The following HIF1A variants were observed in gnomAD, a reference collection of about 807,000 sequenced individuals.
The protein encoded by HIF1A is hypoxia-inducible factor 1-alpha.
Under a neutral mutation model 92.7 loss-of-function variants are expected in HIF1A, and 24 were observed. The observed-to-expected ratio is 0.26, with a 90% CI of 0.19 to 0.36. HIF1A has a LOEUF of 0.36. Ranked by LOEUF, HIF1A falls within the 10% of genes least tolerant of loss-of-function variation. The probability of loss-of-function intolerance (pLI) is 1.00; values close to 1 mark genes in which losing one functional copy is unlikely to be tolerated. For missense variants in HIF1A, 799 were observed against 998.5 expected (o/e 0.80, Z 2.69); for synonymous variants, 319 against 338.7 (o/e 0.94, Z 0.64).
In HIF1A at chr14:61,708,529, C is replaced by T. The variant is rs562032038; in HGVS notation, c.36-11853C>T. 2.0e-5 allele frequency among the ~76,000 whole-genome samples: 3 copies of T among 152,292 alleles called. No homozygotes were observed. In the South Asian group the frequency reaches 6.2e-4, roughly 32 times the overall value. ...TTTCAGCTTTCTGCATATGGCTAGC[C>T]AGTTTTCCCAGCACCATTTATTAAA... is the stretch of plus-strand genomic sequence containing the variant. On this transcript the variant is annotated intron_variant, in intron 1 of 14. Coordinates refer to ENST00000337138, the MANE Select transcript of HIF1A (RefSeq NM_001530.4).
chr14:61,714,926 C>T (rs113634781), intron 1 of HIF1A, among the ~76,000 whole-genome samples: 2 of 152,070 alleles, frequency 1.3e-5, no homozygotes, highest in South Asian at 2.1e-4. Flanking sequence ...CCCAGCTACT[C>T]GGGAGGCTGA....
intron 1 of HIF1A, among the ~76,000 whole-genome samples, 184 bp downstream of exon 1, chr14:61,696,023 C>T (rs745820946): frequency 1.2e-4 from 19 of 152,230 alleles, no homozygotes; most frequent in Non-Finnish European, 2.5e-4. Flanking sequence ...CTGTCCACGT[C>T]GCCATCTTGT....
At chr14:61,733,674 TATTTA>T (rs949068469) in intron 7 of HIF1A, among the ~76,000 whole-genome samples, 1 of 152,222 alleles carries the variant, frequency 6.6e-6, no homozygotes, top group African/African-American at 2.4e-5. Flanking sequence ...CCCAAATCAG[TATTTA>T]ATTTAAATTG....
chr14:61,736,751 G>A, intron 8 of HIF1A, 138 bp from the exon 9 acceptor site: 1 of 627,854 alleles, frequency 1.6e-6, no homozygotes, highest in Non-Finnish European at 2.8e-6. Flanking sequence ...GTACGCATGA[G>A]TGATCATGCA....
Position 61,721,514 on chromosome 14 carries a change from T to C in HIF1A, c.232T>C (p.Leu78=). The C allele has an allele frequency of 6.2e-7, 1 of 1,612,280 alleles. No individual in the cohort carries two copies. The highest frequency in any genetic ancestry group is 8.5e-7 in the Non-Finnish European group (1 of 1,178,794). The change falls in exon 3 of 15, where the codon TTG becomes CTG. Residue 78 remains leucine (L), a synonymous_variant. Coordinates refer to ENST00000337138, the MANE Select transcript of HIF1A (RefSeq NM_001530.4). The part of the protein sequence containing the change: ...RVRKLLDAGD[L]DIEDDMKAQM... ...TCTTCTTGTGCCCTTTTTAGGTGATTTGGATATTGAAGATGACATGAAAGC... is the reference window on the plus strand; with the variant it reads ...TCTTCTTGTGCCCTTTTTAGGTGATCTGGATATTGAAGATGACATGAAAGC...
In HIF1A at chr14:61,740,735, A is replaced by G; in HGVS notation, c.1660-20A>G. ...TAAGGTGTGGCCATTGTAAAAACTC[A>G]TGTATTTGCTGTTTTAAAGGACACA... is the stretch of plus-strand genomic sequence containing the variant. On this transcript the variant is annotated intron_variant, in intron 11 of 14. Coordinates refer to ENST00000337138, the MANE Select transcript of HIF1A (RefSeq NM_001530.4). 1 of 1,587,734 alleles carries G rather than the reference A, an allele frequency of 6.3e-7. No homozygotes were observed. Among genetic ancestry groups the G allele is most frequent in the South Asian group, 1.1e-5 (1 of 87,542 alleles).
intron 8 of HIF1A, among the ~76,000 whole-genome samples, chr14:61,735,066 C>T (rs993198136): frequency 3.3e-5 from 5 of 152,182 alleles, no homozygotes; most frequent in Admixed American, 3.3e-4. Flanking sequence ...TAGACTCCTG[C>T]CCCATCTAGT....
At chr14:61,718,508 G>C (rs991828090) in intron 1 of HIF1A, among the ~76,000 whole-genome samples, 9 of 152,142 alleles carry the variant, frequency 5.9e-5, no homozygotes, top group African/African-American at 2.2e-4. Context: ...TGGAACTCCA[G>C]TGTATGCTGG....
chr14:61,730,169 T>C (rs1182778517), intron 6 of HIF1A, among the ~76,000 whole-genome samples: 1 of 152,138 alleles, frequency 6.6e-6, no homozygotes, highest in Non-Finnish European at 1.5e-5. Flanking sequence ...GATCATGGGT[T>C]TCCTAGTCCA....
In HIF1A at chr14:61,734,185, A is replaced by C. The variant is rs2044608984; in HGVS notation, c.928A>C (p.Lys310Gln). 6.2e-7 allele frequency: 1 copy of C among 1,613,016 alleles called. No individual in the cohort carries two copies. Among genetic ancestry groups the C allele is most frequent in the African/African-American group, 1.3e-5 (1 of 74,912 alleles). ...CACAGGACAGTACAGGATGCTTGCCAAAAGAGGTGGATATGTCTGGGTTGA... is the reference window on the plus strand; with the variant it reads ...CACAGGACAGTACAGGATGCTTGCCCAAAGAGGTGGATATGTCTGGGTTGA... ...VTTGQYRMLA[K>Q]RGGYVWVETQ... is the part of the protein sequence containing the mutation. Residue 310 changes from lysine to glutamine, a missense_variant, in exon 8 of 15, where the codon AAA becomes CAA. Physicochemically the swap from Lys to Gln is moderately conservative, Grantham distance 53. This residue lies in a region of HIF1A where 516 missense variants were observed against 721.0 expected (regional missense o/e 0.72). Coordinates refer to ENST00000337138, the MANE Select transcript of HIF1A (RefSeq NM_001530.4).
At position 61,747,037 on chromosome 14, in the gene HIF1A, C is replaced by T. The variant is rs559651239; in HGVS notation, c.2433C>T (p.Asn811=). 4.6e-5 allele frequency: 75 copies of T among 1,612,932 alleles called. No homozygotes were observed. In the South Asian group the frequency reaches 7.1e-4, roughly 15 times the overall value. ...ATGCTCCTATACAAGGCAGCAGAAA[C>T]CTACTGCAGGGTGAAGAATTACTCA... is the stretch of plus-strand genomic sequence containing the variant. ...EVNAPIQGSR[N]LLQGEELLRA... is the part of the protein sequence containing the mutation. The change falls in exon 15 of 15, where the codon AAC becomes AAT. Residue 811 remains asparagine (N), a synonymous_variant. Coordinates refer to ENST00000337138, the MANE Select transcript of HIF1A (RefSeq NM_001530.4).
At chr14:61,725,285 T>G (rs1334501086) in intron 4 of HIF1A, among the ~76,000 whole-genome samples, 1 of 152,248 alleles carries the variant, frequency 6.6e-6, no homozygotes, top group Non-Finnish European at 1.5e-5. Context: ...TCAGGAAAGG[T>G]GGCGTATCTT....
At chr14:61,726,866 G>C in intron 5 of HIF1A, 48 bp downstream of exon 5, 1 of 1,037,594 alleles carries the variant, frequency 9.6e-7, no homozygotes, top group Non-Finnish European at 1.4e-6. Flanking sequence ...TTTATACATA[G>C]ACATTGTAGT....
intron 1 of HIF1A, among the ~76,000 whole-genome samples, chr14:61,708,376 C>G (rs1292297168): frequency 6.6e-6 from 1 of 152,180 alleles, no homozygotes; most frequent in Admixed American, 6.5e-5. Flanking sequence ...GAAGTCCTTG[C>G]CCATGCCTAT....
At chr14:61,725,569 C>G (rs2044493861) in intron 4 of HIF1A, among the ~76,000 whole-genome samples, 1 of 152,024 alleles carries the variant, frequency 6.6e-6, no homozygotes, top group Non-Finnish European at 1.5e-5. Context: ...CATGTGCCAC[C>G]ACACCTAGCT....
rs576727828 is a variant in HIF1A at position 61,720,669 on chromosome 14, G to A, written c.226+97G>A. On this transcript the variant is annotated intron_variant, in intron 2 of 14. Transcript: ENST00000337138. ...AAGGTGGTCGCAATGTTTTGATTTTGTATACCTCTTTATATTGTGATATGT... is the reference window on the plus strand; with the variant it reads ...AAGGTGGTCGCAATGTTTTGATTTTATATACCTCTTTATATTGTGATATGT... The A allele has an allele frequency of 1.4e-5, 10 of 731,098 alleles. No homozygotes were observed. In the Admixed American group the frequency reaches 2.1e-4, roughly 15 times the overall value. 45.3% of individuals were successfully genotyped at this position (731,098 alleles called of 1,614,324 possible). A position where few individuals can be genotyped will look rare whatever the true frequency, so the allele number is the denominator to read the frequency against.
chr14:61,745,908 T>C, intron 14 of HIF1A, 91 bp downstream of exon 14: 2 of 1,189,594 alleles, frequency 1.7e-6, no homozygotes, highest in South Asian at 2.8e-5. Flanking sequence ...GAGAATGACT[T>C]TGGTTCCTTA....
At chr14:61,696,986 T>A (rs1169188699) in intron 1 of HIF1A, among the ~76,000 whole-genome samples, 1 of 152,236 alleles carries the variant, frequency 6.6e-6, no homozygotes, top group Non-Finnish European at 1.5e-5. Flanking sequence ...ACACACACAA[T>A]TTTGCCCACT....
At chr14:61,696,637 T>C (rs1047054407) in intron 1 of HIF1A, among the ~76,000 whole-genome samples, 6 of 152,150 alleles carry the variant, frequency 3.9e-5, no homozygotes, top group African/African-American at 1.4e-4. Flanking sequence ...AACGCAGATA[T>C]TATAAATGAA....
Sources: gnomAD v4.1 joint callset for allele counts (sites outside exome capture counted in the v4.1 genomes callset) on GRCh38, gnomAD v4.1.1 for gene constraint, gnomAD v4.1.1 regional missense constraint, MANE v1.5 for transcripts, NCBI Gene and HGNC (gene_info 2026-07-23, HGNC 2026-07-21) for gene names.